DEFB119: variants seen among roughly 807,000 people sequenced by gnomAD.
DEFB119 encodes defensin beta 119.
Under a neutral mutation model 2.5 loss-of-function variants are expected in DEFB119, and 3 were observed. The observed-to-expected ratio is 1.19, with a 90% CI of 0.54 to 3.07. The LOEUF is 3.07. Among genes scored for constraint, DEFB119 ranks in the 30% most tolerant of loss-of-function variants. The pLI is 0.03. For synonymous variants in DEFB119, 29 were observed against 33.7 expected (o/e 0.86, Z 0.48); for missense variants, 113 against 101.1 (o/e 1.12, Z -0.50).
intron 1 of DEFB119, chr20:31,388,037 A>G: frequency 3.0e-6 from 3 of 984,732 alleles, no homozygotes; most frequent in Non-Finnish European, 3.6e-6. Flanking sequence ...CTCACTGCAG[A>G]GGACGCAGTT....
intron 1 of DEFB119, among the ~76,000 whole-genome samples, chr20:31,379,534 G>A (rs528040350): frequency 1.4e-4 from 21 of 150,624 alleles, no homozygotes; most frequent in South Asian, 2.1e-4. Flanking sequence ...TCGCTTTGTC[G>A]CCAGGCTGCA....
chr20:31,379,084 C>T lies in DEFB119; in HGVS notation c.62-1645G>A, dbSNP rs1986410265. Among the ~76,000 whole-genome samples, 4 of 152,058 alleles carry T rather than the reference C, an allele frequency of 2.6e-5. No homozygotes were observed. The South Asian group carries it at 6.2e-4, about 24-fold the overall frequency. ...TCCCATGTAGCTAGGATTACAGGTG[C>T]ACGCCATCACACCCAGATAATTTTT... On this transcript the variant is annotated intron_variant, in intron 1 of 1. Transcript: ENST00000376321.
chr20:31,389,569 C>T (rs964357867), intron 1 of DEFB119, among the ~76,000 whole-genome samples: 3 of 152,146 alleles, frequency 2.0e-5, no homozygotes, highest in African/African-American at 7.2e-5. Flanking sequence ...GGGAAAAGGA[C>T]ATGATCACCT....
chr20:31,388,854 C>A (rs753538807), intron 1 of DEFB119: 1 of 1,192,306 alleles, frequency 8.4e-7, no homozygotes, highest in Admixed American at 2.4e-5. Context: ...ATCACACCAT[C>A]GCTATGACCC....
At chr20:31,390,593 T>A, upstream of DEFB119, 1 of 1,048,224 alleles carries the variant, frequency 9.5e-7, no homozygotes, top group Non-Finnish European at 1.4e-6. Context: ...CTGTGGGCAG[T>A]GAATTAGAAC....
At chr20:31,378,102 T>G (rs1600504421) in intron 1 of DEFB119, among the ~76,000 whole-genome samples, 1 of 152,292 alleles carries the variant, frequency 6.6e-6, no homozygotes, top group East Asian at 1.9e-4. Flanking sequence ...CACCATGCAG[T>G]GTCGATAGGA....
intron 1 of DEFB119, among the ~76,000 whole-genome samples, chr20:31,381,726 A>T (rs1986513393): frequency 6.6e-6 from 1 of 152,092 alleles, no homozygotes; most frequent in African/African-American, 2.4e-5. Flanking sequence ...TGGGAGGATC[A>T]CTTGAGCCCA....
chr20:31,389,301 G>A, intron 1 of DEFB119: 1 of 1,595,016 alleles, frequency 6.3e-7, no homozygotes, highest in South Asian at 1.1e-5. Context: ...ACAAGGCAGA[G>A]GAGGAACAGG....
intron 1 of DEFB119, chr20:31,378,503 G>A: frequency 1.3e-6 from 2 of 1,506,934 alleles, no homozygotes; most frequent in East Asian, 2.3e-5. Flanking sequence ...ATCATACTGA[G>A]AACCAGGAAA....
chr20:31,380,625 A>AT (rs543316899), intron 1 of DEFB119, among the ~76,000 whole-genome samples: 46 of 148,524 alleles, frequency 3.1e-4, no homozygotes, highest in South Asian at 6.4e-4. Flanking sequence ...TTAGGTTTAG[A>AT]TTTTTTTTTT....
At chr20:31,383,430 G>A (rs4911275) in intron 1 of DEFB119, among the ~76,000 whole-genome samples, 14,193 of 151,330 alleles carry the variant, frequency 0.094, 906 homozygotes, top group Admixed American at 0.21. Context: ...TATAATCCCA[G>A]CTACTTGGGA....
intron 1 of DEFB119, among the ~76,000 whole-genome samples, chr20:31,385,391 A>AC (rs1555826360): frequency 9.2e-5 from 14 of 151,642 alleles, no homozygotes; most frequent in East Asian, 5.8e-4. Flanking sequence ...AAAAAAAAAA[A>AC]ACACAGTTTG....
intron 1 of DEFB119, among the ~76,000 whole-genome samples, chr20:31,383,553 A>T (rs1272414113): frequency 7.5e-6 from 1 of 132,674 alleles, no homozygotes; most frequent in Non-Finnish European, 1.6e-5. Flanking sequence ...AAAAAAAAAA[A>T]GGCCAGGTGT....
rs533067925 is a variant in DEFB119 at position 31,389,614 on chromosome 20, TA to T, written c.61+808del. ...GGGAACGAAGAGGATTCACTCACAT[TA>T]CACAGACCCTGTTTCTTATCAATAA... is the stretch of plus-strand genomic sequence containing the variant. On this transcript the variant is annotated intron_variant, in intron 1 of 1. Transcript: ENST00000376321. Among the ~76,000 whole-genome samples, 205 of 152,222 alleles carry T rather than the reference TA, an allele frequency of 1.3e-3. 1 individual carries two copies. The highest frequency in any genetic ancestry group is 4.8e-3 in the African/African-American group (199 of 41,524).
At chr20:31,388,128 T>C in intron 1 of DEFB119, 1 of 985,344 alleles carries the variant, frequency 1.0e-6, no homozygotes, top group South Asian at 4.7e-5. Flanking sequence ...GACACCCAGA[T>C]TCTCTAGATT....
Position 31,383,651 on chromosome 20 carries a change from C to T in DEFB119, c.62-6212G>A, listed in dbSNP as rs546799026. Among the ~76,000 whole-genome samples the T allele has an allele frequency of 2.6e-4, 39 of 151,582 alleles. No individual in the cohort carries two copies. The South Asian group carries it at 3.3e-3, about 13-fold the overall frequency. ...GAGATCGAGACCATCCTGGCTAACA[C>T]GGTGAAACCCCTGAAACCCCATCTC... is the stretch of plus-strand genomic sequence containing the variant. On this transcript the variant is annotated intron_variant, in intron 1 of 1. Transcript: ENST00000376321.
intron 1 of DEFB119, among the ~76,000 whole-genome samples, chr20:31,386,800 TTTTCTTTTTC>T (rs1203234542): frequency 1.6e-4 from 22 of 137,226 alleles, no homozygotes; most frequent in African/African-American, 6.9e-4. Context: ...TTCTTTTTCT[TTTTCTTTTTC>T]TTTTTTTTTT....
chr20:31,389,260 G>A, intron 1 of DEFB119: 1 of 1,613,624 alleles, frequency 6.2e-7, no homozygotes, highest in Non-Finnish European at 8.5e-7. Flanking sequence ...CAATTAAGCA[G>A]ATGTTAGTAT....
intron 1 of DEFB119, chr20:31,388,205 T>C (rs1986785252): frequency 1.0e-6 from 1 of 981,030 alleles, no homozygotes; most frequent in Admixed American, 6.2e-5. Context: ...CCAATTCAAA[T>C]GAGACAGGCT....
Sources: gnomAD v4.1 joint callset for allele counts (sites outside exome capture counted in the v4.1 genomes callset) on GRCh38, gnomAD v4.1.1 for gene constraint, MANE v1.5 for transcripts, NCBI Gene and HGNC (gene_info 2026-07-23, HGNC 2026-07-21) for gene names.